Variants in DLGAP1 observed in about 807,000 individuals in gnomAD.
DLGAP1 encodes DLG associated protein 1, also known as disks large-associated protein 1.
A neutral mutation model predicts 90.8 loss-of-function variants in DLGAP1; 11 were observed. The ratio of observed to expected loss-of-function variants is 0.12; its 90% CI spans 0.08 to 0.20. The LOEUF (loss-of-function observed/expected upper bound fraction) is 0.20, where lower values mean the gene tolerates loss of function less well. Among genes scored for constraint, DLGAP1 ranks in the 10% least tolerant of loss-of-function variants. DLGAP1 has a pLI of 1.00. For missense variants in DLGAP1, 1,050 were observed against 1,333.8 expected (o/e 0.79, Z 3.31); for synonymous variants, 558 against 540.7 (o/e 1.03, Z -0.44).
At chr18:3,940,075 G>A (rs2148946368) in intron 3 of DLGAP1, among the ~76,000 whole-genome samples, 1 of 152,290 alleles carries the variant, frequency 6.6e-6, no homozygotes, top group Non-Finnish European at 1.5e-5. Context: ...AGACATTTTG[G>A]CTTATTCCTT....
Position 3,979,808 on chromosome 18 carries a change from C to T in DLGAP1, c.-73+25308G>A, listed in dbSNP as rs113709745. Among the ~76,000 whole-genome samples, 359 of 152,270 alleles carry T rather than the reference C, an allele frequency of 2.4e-3. 1 individual carries two copies. The highest frequency in any genetic ancestry group is 8.1e-3 in the African/African-American group (337 of 41,532). On this transcript the variant is annotated intron_variant, in intron 3 of 12. Coordinates refer to ENST00000315677, the MANE Select transcript of DLGAP1 (RefSeq NM_004746.4). Reference sequence around the variant, plus strand: ...ATAGATCAAAACATCACACTGTACCCCACAAATACACACAATTATTATTTG... The same window carrying T: ...ATAGATCAAAACATCACACTGTACCTCACAAATACACACAATTATTATTTG...
At chr18:4,358,470 C>T (rs193297348) in intron 1 of DLGAP1, among the ~76,000 whole-genome samples, 2 of 152,226 alleles carry the variant, frequency 1.3e-5, no homozygotes, top group South Asian at 2.1e-4. Flanking sequence ...GTGTGTGTGC[C>T]GCTTAGGGAG....
chr18:3,498,487 G>A lies in DLGAP1; in HGVS notation c.*698C>T, dbSNP rs2049766869. 1 of 152,218 alleles carries A rather than the reference G, an allele frequency of 6.6e-6. No homozygotes were observed. Among genetic ancestry groups the A allele is most frequent in the Non-Finnish European group, 1.5e-5 (1 of 68,040 alleles). 9.4% of individuals were successfully genotyped at this position (152,218 alleles called of 1,614,324 possible). A position where few individuals can be genotyped will look rare whatever the true frequency, so the allele number is the denominator to read the frequency against. On this transcript the variant is annotated 3_prime_UTR_variant, in exon 13 of 13. Transcript: ENST00000315677. ...TCTGCTGATTGAGACATTTGAAGCT[G>A]TGATTGATGAAGTAACAGTGAGGCA...
At chr18:3,621,048 AC>A (rs2058079358) in intron 7 of DLGAP1, among the ~76,000 whole-genome samples, 1 of 152,100 alleles carries the variant, frequency 6.6e-6, no homozygotes, top group Non-Finnish European at 1.5e-5. Flanking sequence ...TGGGGCCAGC[AC>A]CCTGTGTTTG....
chr18:4,423,159 A>T (rs1295343469), intron 1 of DLGAP1, among the ~76,000 whole-genome samples: 1 of 152,202 alleles, frequency 6.6e-6, no homozygotes. Flanking sequence ...GGGATCTACC[A>T]ATTCTTCCCA....
chr18:3,906,417 CA>C (rs2071907231), intron 3 of DLGAP1, among the ~76,000 whole-genome samples: 1 of 152,042 alleles, frequency 6.6e-6, no homozygotes, highest in South Asian at 2.1e-4. Flanking sequence ...CCACCTAATC[CA>C]CTCACCAGCT....
chr18:3,965,896 C>T (rs1376633313), intron 3 of DLGAP1, among the ~76,000 whole-genome samples: 2 of 137,122 alleles, frequency 1.5e-5, no homozygotes, highest in Non-Finnish European at 3.0e-5. Flanking sequence ...TGCCGTGAGC[C>T]GAGATCCTAC....
chr18:4,244,301 A>C (rs2078608073), intron 1 of DLGAP1, among the ~76,000 whole-genome samples: 1 of 152,192 alleles, frequency 6.6e-6, no homozygotes. Flanking sequence ...GAATTTAACA[A>C]ATGACTTTAG....
intron 2 of DLGAP1, among the ~76,000 whole-genome samples, chr18:4,052,467 T>C (rs954883139): frequency 2.3e-4 from 35 of 152,252 alleles, no homozygotes; most frequent in Non-Finnish European, 4.3e-4. Flanking sequence ...CTTATAGCCA[T>C]GGCTGGAGTG....
At position 3,957,522 on chromosome 18, in the gene DLGAP1, C is replaced by A. The variant is rs560795891; in HGVS notation, c.-73+47594G>T. 2.6e-5 allele frequency among the ~76,000 whole-genome samples: 4 copies of A among 152,250 alleles called. No individual in the cohort carries two copies. In the East Asian group the frequency reaches 7.7e-4, roughly 29 times the overall value. On this transcript the variant is annotated intron_variant, in intron 3 of 12. Transcript: ENST00000315677. ...TGACACGTTCTAACTGACTGATTAA[C>A]CACATAGATTTTACATGTATCTTAG...
At chr18:4,175,203 T>G (rs979206929) in intron 1 of DLGAP1, among the ~76,000 whole-genome samples, 3 of 152,196 alleles carry the variant, frequency 2.0e-5, no homozygotes, top group Admixed American at 6.5e-5. Flanking sequence ...ATACATTTCT[T>G]GCACACAATG....
At chr18:3,641,592 C>T (rs1184926631) in intron 7 of DLGAP1, among the ~76,000 whole-genome samples, 1 of 148,858 alleles carries the variant, frequency 6.7e-6, no homozygotes, top group Admixed American at 6.7e-5. Flanking sequence ...TATATACACA[C>T]ACACACACAC....
intron 1 of DLGAP1, among the ~76,000 whole-genome samples, chr18:4,257,004 G>A (rs2078901344): frequency 6.6e-6 from 1 of 152,154 alleles, no homozygotes; most frequent in South Asian, 2.1e-4. Flanking sequence ...TGGCTGAGAC[G>A]AACAGCAGAG....
intron 7 of DLGAP1, chr18:3,598,048 G>A (rs2145666925): frequency 6.6e-6 from 1 of 152,408 alleles, no homozygotes. Context: ...CAGGGTTAGT[G>A]CTTAAAAAAA....
chr18:4,178,379 C>G (rs935501415), intron 1 of DLGAP1, among the ~76,000 whole-genome samples: 1 of 151,850 alleles, frequency 6.6e-6, no homozygotes, highest in Non-Finnish European at 1.5e-5. Context: ...TTTTTTTTAT[C>G]TCTGCTTACT....
intron 5 of DLGAP1, among the ~76,000 whole-genome samples, chr18:3,794,706 C>A (rs145480742): frequency 1.3e-5 from 2 of 152,358 alleles, no homozygotes; most frequent in African/African-American, 4.8e-5. Flanking sequence ...CCCTAGAGGG[C>A]AGATTGCAGA....
chr18:4,115,494 CT>C (rs1555742760), intron 2 of DLGAP1, among the ~76,000 whole-genome samples: 1 of 146,502 alleles, frequency 6.8e-6, no homozygotes, highest in Admixed American at 6.7e-5. Flanking sequence ...TTCTTTCTTT[CT>C]TTTTTTTTGA....
intron 7 of DLGAP1, among the ~76,000 whole-genome samples, chr18:3,663,580 T>C (rs967120534): frequency 6.6e-6 from 1 of 152,180 alleles, no homozygotes; most frequent in Non-Finnish European, 1.5e-5. Context: ...ATCTCTTGTA[T>C]AGGAACTGTC....
intron 7 of DLGAP1, among the ~76,000 whole-genome samples, chr18:3,583,168 A>ACCTTCCTTCCTTCCTTCCTT (rs1223358564): frequency 1.6e-5 from 2 of 126,994 alleles, no homozygotes; most frequent in African/African-American, 3.1e-5. Context: ...CTACCTACCT[A>ACCTTCCTTCCTTCCTTCCTT]CCTACCTACC....
Sources: allele counts gnomAD v4.1 joint callset (sites outside exome capture counted in the v4.1 genomes callset), GRCh38; gene constraint gnomAD v4.1.1; transcripts MANE v1.5; gene names NCBI Gene and HGNC (gene_info 2026-07-23, HGNC 2026-07-21).